STK3: variants seen among roughly 807,000 people sequenced by gnomAD.
STK3 encodes the protein serine/threonine kinase 3, also known as serine/threonine-protein kinase 3.
A neutral mutation model predicts 58.0 loss-of-function variants in STK3; 41 were observed. That is an observed-to-expected ratio of 0.71 (90% CI 0.55 to 0.92). The LOEUF is 0.92. Ranked by LOEUF, STK3 falls within the 40% of genes least tolerant of loss-of-function variation. STK3 has a pLI of 0.00. For missense variants in STK3, 479 were observed against 602.7 expected (o/e 0.79, Z 2.15); for synonymous variants, 170 against 191.0 (o/e 0.89, Z 0.91).
At chr8:98,710,605 C>T (rs536950828) in intron 4 of STK3, among the ~76,000 whole-genome samples, 1 of 152,324 alleles carries the variant, frequency 6.6e-6, no homozygotes, top group African/African-American at 2.4e-5. Flanking sequence ...GGGGCGCCTG[C>T]CATTGCCCAG....
chr8:98,692,735 T>A (rs1332360408), intron 6 of STK3, among the ~76,000 whole-genome samples: 2 of 152,060 alleles, frequency 1.3e-5, no homozygotes, highest in Non-Finnish European at 1.5e-5. Context: ...ATGTTATATA[T>A]TACTCATTAA....
intron 3 of STK3, among the ~76,000 whole-genome samples, chr8:98,857,407 CTG>C (rs1836723286): frequency 6.7e-6 from 1 of 150,074 alleles, no homozygotes; most frequent in Non-Finnish European, 1.5e-5. Context: ...CTCTCGAAAA[CTG>C]TTACTTGGGA....
intron 3 of STK3, among the ~76,000 whole-genome samples, chr8:98,761,155 G>A (rs573477019): frequency 6.0e-5 from 9 of 150,328 alleles, no homozygotes; most frequent in Admixed American, 5.3e-4. Context: ...ACAGGGTCTG[G>A]CTCTATCACC....
intron 1 of STK3, among the ~76,000 whole-genome samples, chr8:98,900,810 C>T (rs746748747): frequency 1.3e-5 from 2 of 151,670 alleles, no homozygotes; most frequent in African/African-American, 4.8e-5. Flanking sequence ...TACAGGTGCA[C>T]GCCATGACAC....
At chr8:98,655,628 C>T (rs1352698817) in intron 6 of STK3, among the ~76,000 whole-genome samples, 5 of 151,292 alleles carry the variant, frequency 3.3e-5, no homozygotes. Flanking sequence ...TGAACTCAAA[C>T]AAATTTACAA....
chr8:98,494,821 C>T (rs1289002477), intron 10 of STK3, among the ~76,000 whole-genome samples: 4 of 152,032 alleles, frequency 2.6e-5, no homozygotes, highest in Admixed American at 6.6e-5. Context: ...AAAGCCCAGG[C>T]AAACTGAAGC....
chr8:98,470,445 T>C (rs1820834470), intron 10 of STK3, among the ~76,000 whole-genome samples: 1 of 152,214 alleles, frequency 6.6e-6, no homozygotes, highest in East Asian at 1.9e-4. Flanking sequence ...TCATTTTCTT[T>C]TCACAGGGGT....
intron 6 of STK3, among the ~76,000 whole-genome samples, chr8:98,668,080 A>G (rs1042315930): frequency 2.4e-4 from 37 of 152,274 alleles, no homozygotes; most frequent in African/African-American, 8.2e-4. Flanking sequence ...AAATGAACAT[A>G]TAAGAAATTT....
At chr8:98,836,759 C>A (rs1367513706) in intron 3 of STK3, among the ~76,000 whole-genome samples, 1 of 152,142 alleles carries the variant, frequency 6.6e-6, no homozygotes, top group African/African-American at 2.4e-5. Context: ...AGATTGATTT[C>A]ACTTTCAGTT....
intron 3 of STK3, among the ~76,000 whole-genome samples, chr8:98,865,297 G>C (rs189877592): frequency 6.6e-5 from 10 of 152,260 alleles, no homozygotes; most frequent in African/African-American, 2.2e-4. Flanking sequence ...GCCAGAGCTT[G>C]TGTTTCTTCC....
At chr8:98,897,401 C>CA (rs895727456) in intron 1 of STK3, among the ~76,000 whole-genome samples, 18 of 151,130 alleles carry the variant, frequency 1.2e-4, no homozygotes, top group African/African-American at 1.9e-4. Context: ...ACTAAAAATA[C>CA]AAAAAAAAAT....
intron 6 of STK3, among the ~76,000 whole-genome samples, chr8:98,654,728 T>C (rs1221469344): frequency 2.0e-5 from 3 of 152,060 alleles, no homozygotes; most frequent in Non-Finnish European, 4.4e-5. Flanking sequence ...TGAACTCCCA[T>C]TCACAATTGC....
rs1230423757 is a variant in STK3 at position 98,402,724 on chromosome 8, G to C, written n.484-1211C>G. Among the ~76,000 whole-genome samples, 4 of 152,198 alleles carry C rather than the reference G, an allele frequency of 2.6e-5. No individual in the cohort carries two copies. The East Asian group carries it at 7.7e-4, about 29-fold the overall frequency. Reference sequence around the variant, plus strand: ...GCCAGGCGAGGAGGACATGCCTTGGGAACAGTCTGTGCTTGTTCCCTCAGC... The same window carrying C: ...GCCAGGCGAGGAGGACATGCCTTGGCAACAGTCTGTGCTTGTTCCCTCAGC... On this transcript the variant is annotated intron_variant and non_coding_transcript_variant, in intron 3 of 3. Coordinates refer to the STK3 transcript ENST00000517832.
chr8:98,745,294 T>A (rs1829568060), intron 4 of STK3, among the ~76,000 whole-genome samples: 1 of 152,214 alleles, frequency 6.6e-6, no homozygotes. Flanking sequence ...TGTTTTTTTA[T>A]AAGAAACTGG....
chr8:98,501,545 A>G (rs935145188), intron 10 of STK3, among the ~76,000 whole-genome samples: 11 of 152,182 alleles, frequency 7.2e-5, no homozygotes, highest in Non-Finnish European at 1.5e-4. Context: ...TAGGTCTAAC[A>G]TTTAAGTCTT....
downstream of STK3, among the ~76,000 whole-genome samples, chr8:98,451,861 T>C (rs1488168977): frequency 2.0e-5 from 3 of 149,996 alleles, no homozygotes; most frequent in African/African-American, 7.4e-5. Context: ...TCTCATTAGA[T>C]TCCAGATTCC....
At chr8:98,836,067 G>C (rs947810714) in intron 3 of STK3, among the ~76,000 whole-genome samples, 2 of 152,148 alleles carry the variant, frequency 1.3e-5, no homozygotes, top group African/African-American at 2.4e-5. Flanking sequence ...CGGGCGCAGT[G>C]GTGGGCGCCT....
At chr8:98,917,643 T>C (rs1257741716) in intron 1 of STK3, among the ~76,000 whole-genome samples, 2 of 152,196 alleles carry the variant, frequency 1.3e-5, no homozygotes, top group South Asian at 2.1e-4. Context: ...AGCTCCTTCA[T>C]CTCGAATAGC....
intron 10 of STK3, among the ~76,000 whole-genome samples, chr8:98,468,685 CAT>C (rs758638796): frequency 6.6e-6 from 1 of 152,168 alleles, no homozygotes; most frequent in Non-Finnish European, 1.5e-5. Context: ...AGATGTGTCT[CAT>C]GGGGGAAGAA....
Sources: allele counts gnomAD v4.1 joint callset (sites outside exome capture counted in the v4.1 genomes callset), GRCh38; gene constraint gnomAD v4.1.1; transcripts MANE v1.5; gene names NCBI Gene and HGNC (gene_info 2026-07-23, HGNC 2026-07-21).